SLITRK2: variants seen among roughly 807,000 people sequenced by gnomAD.
SLITRK2 encodes SLIT and NTRK like family member 2, also known as SLIT and NTRK-like protein 2.
SLITRK2 carries 13 observed loss-of-function variants against 35.4 expected under a neutral mutation model. The ratio of observed to expected loss-of-function variants is 0.37; its 90% confidence interval spans 0.24 to 0.58. The LOEUF (loss-of-function observed/expected upper bound fraction) is 0.58, where lower values mean the gene tolerates loss of function less well. SLITRK2 is among the 20% of genes least tolerant of loss of function. The pLI is 0.75. For missense variants in SLITRK2, 471 were observed against 634.3 expected, an observed-to-expected ratio of 0.74 and a Z score of 2.76; for synonymous variants, 294 against 264.7, an observed-to-expected ratio of 1.11 and a Z score of -1.07.
rs2073102333 is a variant in SLITRK2 at position 145,825,098 on chromosome X, A to C, written c.*135A>C. 1 of 732,818 alleles carries C rather than the reference A, an allele frequency of 1.4e-6. No homozygotes were observed. Among genetic ancestry groups the C allele is most frequent in the East Asian group, 3.9e-5 (1 of 25,347 alleles). The allele number at this position is 732,818 out of a possible 1,213,427, so 60.4% of individuals were successfully genotyped here. ...GGGGGACTTTGAAAATGTTTGGGAG[A>C]TAGGATGAAGTCATGATTTTGCTTT... is the stretch of plus-strand genomic sequence containing the variant. On this transcript the variant is annotated 3_prime_UTR_variant, in exon 5 of 5. Coordinates refer to ENST00000335565, the MANE Select transcript of SLITRK2 (RefSeq NM_032539.5).
In SLITRK2 at chrX:145,822,829, G is replaced by C. The variant is rs782586413; in HGVS notation, c.404G>C (p.Ser135Thr). 8.3e-7 allele frequency: 1 copy of C among 1,209,889 alleles called. No individual in the cohort carries two copies. Among genetic ancestry groups the C allele is most frequent in the Non-Finnish European group, 1.1e-6 (1 of 894,274 alleles). ...GAGGACACCTTCCTAGGCCTGGAGA[G>C]CCTGGAGTATCTCCAGGCCGACTAC... ...LREDTFLGLE[S>T]LEYLQADYNY... The change falls in exon 5 of 5, where the codon AGC becomes ACC. Residue 135 changes from serine to threonine, a missense_variant. Physicochemically the swap from Ser to Thr is moderately conservative, Grantham distance 58 (BLOSUM62 1). Around this residue, in one of 7 missense-constraint regions of SLITRK2, gnomAD observed 98 missense variants for 120.6 expected, o/e 0.81. Coordinates refer to ENST00000335565, the MANE Select transcript of SLITRK2 (RefSeq NM_032539.5).
In SLITRK2 at chrX:145,817,889, G is replaced by A. The variant is rs781837186; in HGVS notation, c.-930G>A. The stretch of plus-strand genomic sequence containing the variant: ...TGCTCGGTGGGGATCTGCCTGCCCT[G>A]GGGGCGCCGCCCGCGCTCCCCGCGG... On this transcript the variant is annotated 5_prime_UTR_variant, in exon 1 of 5. Coordinates refer to ENST00000335565, the MANE Select transcript of SLITRK2 (RefSeq NM_032539.5). 9.2e-6 allele frequency: 1 copy of A among 108,835 alleles called. No homozygotes were observed. Among genetic ancestry groups the A allele is most frequent in the South Asian group, 4.2e-4 (1 of 2,392 alleles). 9.0% of individuals were successfully genotyped at this position (108,835 alleles called of 1,213,427 possible).
chrX:145,822,202 G>A (rs905218423), intron 4 of SLITRK2, 49 bp downstream of exon 4: 19 of 383,210 alleles, frequency 5.0e-5, no homozygotes, highest in African/African-American at 4.7e-4. Flanking sequence ...GCCTCGGGAT[G>A]GGGGAATAGG....
rs1295730023 is a variant in SLITRK2, at chrX:145,828,364, G to T, written c.*3401G>T. 5 of 164,897 alleles carry T rather than the reference G, an allele frequency of 3.0e-5. No individual in the cohort carries two copies. Among genetic ancestry groups the T allele is most frequent in the Non-Finnish European group, 4.9e-5 (4 of 80,872 alleles). The allele number at this position is 164,897 out of a possible 1,213,427, so 13.6% of individuals were successfully genotyped here. On this transcript the variant is annotated 3_prime_UTR_variant, in exon 5 of 5. Coordinates refer to ENST00000335565, the MANE Select transcript of SLITRK2 (RefSeq NM_032539.5). ...GAGGTTCTGTGATTTTTCAGACTCT[G>T]AAAATTCATTTTGATTCTACATATT...
intron 1 of SLITRK2, 183 bp downstream of exon 1, chrX:145,818,209 TC>T (rs1982811324): frequency 8.9e-6 from 1 of 111,787 alleles, no homozygotes; most frequent in East Asian, 2.9e-4. Flanking sequence ...TGGAGATTCC[TC>T]ACCCCGGGAC....
rs782514264 is a variant in SLITRK2, at chrX:145,817,916, G to C, written c.-903G>C. On this transcript the variant is annotated 5_prime_UTR_variant, in exon 1 of 5. Coordinates refer to ENST00000335565, the MANE Select transcript of SLITRK2 (RefSeq NM_032539.5). ...GGGCGCCGCCCGCGCTCCCCGCGGT[G>C]CTCTCGCTCCTGGGCTGCGCCAGTC... 7.1e-4 allele frequency: 78 copies of C among 109,795 alleles called. No individual in the cohort carries two copies. The highest frequency in any genetic ancestry group is 2.2e-3 in the African/African-American group (67 of 30,109). 9.0% of individuals were successfully genotyped at this position (109,795 alleles called of 1,213,427 possible).
rs1603147985 is a variant in SLITRK2 at position 145,829,237 on chromosome X, C to A, written c.*4274C>A. 1 of 123,656 alleles carries A rather than the reference C, an allele frequency of 8.1e-6. No homozygotes were observed. The highest frequency in any genetic ancestry group is 9.4e-5 in the Admixed American group (1 of 10,612). The allele number at this position is 123,656 out of a possible 1,213,427, so 10.2% of individuals were successfully genotyped here. A position where few individuals can be genotyped will look rare whatever the true frequency, so the allele number is the denominator to read the frequency against. On this transcript the variant is annotated 3_prime_UTR_variant, in exon 5 of 5. Transcript: ENST00000335565. The stretch of plus-strand genomic sequence containing the variant: ...TTGTATTTTAAATGCATTAGGGGAG[C>A]TGCCATTTAGAGGAAACTTGTGAAT...
intron 4 of SLITRK2, 106 bp from the exon 5 acceptor site, chrX:145,822,277 T>C: frequency 4.3e-6 from 2 of 468,005 alleles, no homozygotes; most frequent in South Asian, 6.9e-5. Context: ...GCTAACCCCC[T>C]CATTCTCCCT....
rs2124204996 is a variant in SLITRK2, at chrX:145,824,535, A to G, written c.2110A>G (p.Lys704Glu). ...QMCQNPIYMQ[K>E]EGDPVAYYRN... ...GTGCCAAAACCCCATCTACATGCAG[A>G]AGGAAGGAGACCCAGTAGCCTATTA... is the stretch of plus-strand genomic sequence containing the variant. The change falls in exon 5 of 5, where the codon AAG becomes GAG. Residue 704 changes from lysine (K) to glutamate (E), a missense_variant. Around this residue, in one of 7 missense-constraint regions of SLITRK2, gnomAD observed 190 missense variants for 199.3 expected, o/e 0.95. Coordinates refer to ENST00000335565, the MANE Select transcript of SLITRK2 (RefSeq NM_032539.5). The G allele has an allele frequency of 8.3e-7, 1 of 1,210,886 alleles. No homozygotes were observed. The highest frequency in any genetic ancestry group is 1.1e-6 in the Non-Finnish European group (1 of 895,314).
chrX:145,828,007 C>A lies in SLITRK2; in HGVS notation c.*3044C>A. ...GAACATATCTGTATGTCTGGCCCTA[C>A]AAATGACAAATGGTAATTCCCTTCT... On this transcript the variant is annotated 3_prime_UTR_variant, in exon 5 of 5. Transcript: ENST00000335565. 1 of 1,156,540 alleles carries A rather than the reference C, an allele frequency of 8.6e-7. No individual in the cohort carries two copies. The highest frequency in any genetic ancestry group is 3.0e-5 in the East Asian group (1 of 33,041).
At chrX:145,822,355 C>G in intron 4 of SLITRK2, 28 bp from the exon 5 acceptor site, 1 of 956,876 alleles carries the variant, frequency 1.0e-6, no homozygotes, top group African/African-American at 1.9e-5. Context: ...TTCCCTGCAC[C>G]CGCTTCTTCC....
chrX:145,818,777 A>G (rs1220063281), intron 1 of SLITRK2: 3 of 111,853 alleles, frequency 2.7e-5, no homozygotes, highest in Non-Finnish European at 3.8e-5. Context: ...CTCAGCAAGG[A>G]GAGGGAGCGT....
In SLITRK2 at chrX:145,825,168, C is replaced by CTT. The variant is rs2073104609; in HGVS notation, c.*205_*206insTT. ...TATTTCTCTCTCGCTCTCCTCCCCT[C>CTT]CTTTTTTTTTTTTTTTTTTTTTTCT... is the stretch of plus-strand genomic sequence containing the variant. On this transcript the variant is annotated 3_prime_UTR_variant, in exon 5 of 5. Transcript: ENST00000335565. 1 of 280,071 alleles carries CTT rather than the reference C, an allele frequency of 3.6e-6. No individual in the cohort carries two copies. Among genetic ancestry groups the CTT allele is most frequent in the Non-Finnish European group, 5.8e-6 (1 of 173,338 alleles). The allele number at this position is 280,071 out of a possible 1,213,427, so 23.1% of individuals were successfully genotyped here.
chrX:145,825,148 C>T lies in SLITRK2; in HGVS notation c.*185C>T. On this transcript the variant is annotated 3_prime_UTR_variant, in exon 5 of 5. Transcript: ENST00000335565. ...TTGCAAGTTTTCCTTTAAATTATTT[C>T]TCTCTCGCTCTCCTCCCCTCCTTTT... 3.0e-6 allele frequency: 1 copy of T among 332,511 alleles called. No individual in the cohort carries two copies. The highest frequency in any genetic ancestry group is 5.0e-6 in the Non-Finnish European group (1 of 200,798). The allele number at this position is 332,511 out of a possible 1,213,427, so 27.4% of individuals were successfully genotyped here.
intron 1 of SLITRK2, chrX:145,819,946 C>T (rs1435991085): frequency 8.9e-6 from 1 of 111,808 alleles, no homozygotes; most frequent in Non-Finnish European, 1.9e-5. Context: ...TACAGGTGGC[C>T]CTAGTGCCTA....
In SLITRK2 at chrX:145,824,534, G is replaced by A. The variant is rs112863264; in HGVS notation, c.2109G>A (p.Gln703=). 8.3e-7 allele frequency: 1 copy of A among 1,210,819 alleles called. No homozygotes were observed. The highest frequency in any genetic ancestry group is 1.7e-5 in the African/African-American group (1 of 57,530). ...GQMCQNPIYM[Q]KEGDPVAYYR... ...TGTGCCAAAACCCCATCTACATGCA[G>A]AAGGAAGGAGACCCAGTAGCCTATT... Residue 703 remains glutamine, a synonymous_variant, in exon 5 of 5, where the codon CAG becomes CAA. Transcript: ENST00000335565.
rs1603136462 is a variant in SLITRK2 at position 145,823,139 on chromosome X, G to A, written c.714G>A (p.Val238=). The part of the protein sequence containing the change: ...KAWLDTITVF[V]GEIVCETPFR... ...GGCTAGACACCATAACTGTTTTTGT[G>A]GGAGAGATTGTCTGTGAGACTCCCT... Residue 238 remains valine (V), a synonymous_variant, in exon 5 of 5, where the codon GTG becomes GTA. Coordinates refer to ENST00000335565, the MANE Select transcript of SLITRK2 (RefSeq NM_032539.5). 8.3e-7 allele frequency: 1 copy of A among 1,211,410 alleles called. No individual in the cohort carries two copies. Among genetic ancestry groups the A allele is most frequent in the East Asian group, 3.0e-5 (1 of 33,806 alleles).
rs1165769060 is a variant in SLITRK2 at position 145,821,692 on chromosome X, A to G, written c.-385A>G. 9.1e-6 allele frequency: 1 copy of G among 110,242 alleles called. No individual in the cohort carries two copies. Among genetic ancestry groups the G allele is most frequent in the Non-Finnish European group, 1.9e-5 (1 of 52,709 alleles). The allele number at this position is 110,242 out of a possible 1,213,427, so 9.1% of individuals were successfully genotyped here. A position where few individuals can be genotyped will look rare whatever the true frequency, so the allele number is the denominator to read the frequency against. On this transcript the variant is annotated 5_prime_UTR_variant, in exon 3 of 5. Transcript: ENST00000335565. ...GGCAGCTCGGCTTCCCTCAGCTCCA[A>G]CTCTTCTCTTCCGCTCCTGCCTCCT...
Position 145,824,916 on chromosome X carries a change from G to T in SLITRK2, c.2491G>T (p.Asp831Tyr). The change falls in exon 5 of 5, where the codon GAC becomes TAC. Residue 831 changes from aspartate to tyrosine, a missense_variant. Around this residue, in one of 7 missense-constraint regions of SLITRK2, gnomAD observed 190 missense variants for 199.3 expected, o/e 0.95. Coordinates refer to ENST00000335565, the MANE Select transcript of SLITRK2 (RefSeq NM_032539.5). ...GCAAGCTAAGCCGCAATCAGAACCG[G>T]ACTACCTCGAAGTTCTGGAAAAACA... ...LLQAKPQSEP[D>Y]YLEVLEKQTA... is the part of the protein sequence containing the mutation. The T allele has an allele frequency of 8.3e-7, 1 of 1,209,966 alleles. No homozygotes were observed. Among genetic ancestry groups the T allele is most frequent in the Non-Finnish European group, 1.1e-6 (1 of 895,025 alleles).
Sources: gnomAD v4.1 joint callset for allele counts on GRCh38, gnomAD v4.1.1 for gene constraint, gnomAD v4.1.1 regional missense constraint, MANE v1.5 for transcripts, NCBI Gene and HGNC (gene_info 2026-07-23, HGNC 2026-07-21) for gene names.